The following LIN7A variants were observed in gnomAD, a reference collection of about 807,000 sequenced individuals.
LIN7A encodes protein lin-7 homolog A.
LIN7A carries 25 observed loss-of-function variants against 29.8 expected under a neutral mutation model. The ratio of observed to expected loss-of-function variants is 0.84; its 90% CI spans 0.61 to 1.17. The LOEUF is 1.17. Ranked by LOEUF, LIN7A falls within the 50% of genes most tolerant of loss-of-function variation. The pLI is 0.00. For synonymous variants in LIN7A, 118 were observed against 107.5 expected, an observed-to-expected ratio of 1.10 and a Z score of -0.60; for missense variants, 239 against 287.0, an observed-to-expected ratio of 0.83 and a Z score of 1.21.
chr12:80,927,079 A>G (rs970063889), intron 1 of LIN7A, among the ~76,000 whole-genome samples: 1 of 151,350 alleles, frequency 6.6e-6, no homozygotes, highest in Non-Finnish European at 1.5e-5. Flanking sequence ...TTATCAATAT[A>G]TACTAAAATG....
intron 5 of LIN7A, among the ~76,000 whole-genome samples, chr12:80,805,687 A>G (rs1233331923): frequency 6.6e-6 from 1 of 152,096 alleles, no homozygotes; most frequent in Non-Finnish European, 1.5e-5. Flanking sequence ...CTGAATAAAT[A>G]TAACACTCTG....
intron 2 of LIN7A, among the ~76,000 whole-genome samples, chr12:80,855,695 C>A (rs1304090644): frequency 1.3e-5 from 2 of 152,034 alleles, no homozygotes; most frequent in Non-Finnish European, 2.9e-5. Flanking sequence ...AGTTTAATTG[C>A]ATTCAGTGGA....
intron 2 of LIN7A, among the ~76,000 whole-genome samples, chr12:80,887,227 C>T (rs576202466): frequency 7.9e-5 from 12 of 152,270 alleles, no homozygotes; most frequent in African/African-American, 2.9e-4. Context: ...TCCCATTTCA[C>T]AGTGCTGCCA....
chr12:80,856,254 C>T, intron 2 of LIN7A, among the ~76,000 whole-genome samples: 1 of 152,156 alleles, frequency 6.6e-6, no homozygotes, highest in East Asian at 1.9e-4. Context: ...CTGCAGCCAT[C>T]AACTTCGATG....
At chr12:80,874,630 T>C (rs1170788194) in intron 2 of LIN7A, among the ~76,000 whole-genome samples, 1 of 152,170 alleles carries the variant, frequency 6.6e-6, no homozygotes, top group Non-Finnish European at 1.5e-5. Flanking sequence ...TGAATAGGTA[T>C]TGTGGAGATG....
intron 1 of LIN7A, among the ~76,000 whole-genome samples, chr12:80,905,400 A>G (rs1479327841): frequency 6.6e-6 from 1 of 152,108 alleles, no homozygotes; most frequent in Non-Finnish European, 1.5e-5. Flanking sequence ...TACCAGTGTT[A>G]TTTCTCATTT....
At chr12:80,846,894 C>T in intron 3 of LIN7A, among the ~76,000 whole-genome samples, 1 of 152,140 alleles carries the variant, frequency 6.6e-6, no homozygotes, top group Non-Finnish European at 1.5e-5. Flanking sequence ...TTTATTAATT[C>T]ACCTTGATCA....
intron 4 of LIN7A, among the ~76,000 whole-genome samples, chr12:80,822,822 G>A (rs1308826768): frequency 1.3e-5 from 2 of 152,090 alleles, no homozygotes; most frequent in African/African-American, 4.8e-5. Flanking sequence ...GTGGCAGGAG[G>A]CAGGCAGACT....
chr12:80,793,532 T>C lies in LIN7A; in HGVS notation c.*4195A>G, dbSNP rs1311592162. On this transcript the variant is annotated 3_prime_UTR_variant, in exon 6 of 6. Coordinates refer to ENST00000552864, the MANE Select transcript of LIN7A (RefSeq NM_004664.4). The stretch of plus-strand genomic sequence containing the variant: ...ATTGCTAGAGTAAATGTTGGAGAGT[T>C]TCTCACAGTAACCTCCAAGAGGGAT... 1 of 152,164 alleles carries C rather than the reference T, an allele frequency of 6.6e-6. No homozygotes were observed. The highest frequency in any genetic ancestry group is 1.5e-5 in the Non-Finnish European group (1 of 68,012). The allele number at this position is 152,164 out of a possible 1,614,324, so 9.4% of individuals were successfully genotyped here. A position where few individuals can be genotyped will look rare whatever the true frequency, so the allele number is the denominator to read the frequency against.
chr12:80,859,296 T>C (rs1873751696), intron 2 of LIN7A, among the ~76,000 whole-genome samples: 1 of 152,098 alleles, frequency 6.6e-6, no homozygotes, highest in African/African-American at 2.4e-5. Flanking sequence ...TTACAAAAGA[T>C]AGGAAGAGGT....
chr12:80,857,459 T>A (rs915756017), intron 2 of LIN7A, among the ~76,000 whole-genome samples: 1 of 152,080 alleles, frequency 6.6e-6, no homozygotes, highest in Non-Finnish European at 1.5e-5. Flanking sequence ...GGCGCCTGGA[T>A]AGAATACCAT....
At chr12:80,816,419 A>G (rs550454975) in intron 4 of LIN7A, among the ~76,000 whole-genome samples, 1 of 151,756 alleles carries the variant, frequency 6.6e-6, no homozygotes, top group East Asian at 1.9e-4. Flanking sequence ...TCAAAAAAAA[A>G]AAGTGTATAT....
At chr12:80,838,465 A>T (rs939692701) in intron 4 of LIN7A, among the ~76,000 whole-genome samples, 3 of 152,226 alleles carry the variant, frequency 2.0e-5, no homozygotes, top group African/African-American at 7.2e-5. Flanking sequence ...TCAGTGTTGC[A>T]AAATATACCA....
chr12:80,857,569 G>A (rs1229967033), intron 2 of LIN7A, among the ~76,000 whole-genome samples: 2 of 152,144 alleles, frequency 1.3e-5, no homozygotes, highest in African/African-American at 2.4e-5. Context: ...TGTGATACAT[G>A]CCATTTATGA....
chr12:80,867,668 G>C (rs1764724307), intron 2 of LIN7A, among the ~76,000 whole-genome samples: 1 of 152,118 alleles, frequency 6.6e-6, no homozygotes, highest in Admixed American at 6.5e-5. Flanking sequence ...ATAATAATGA[G>C]ACATCATGAA....
At chr12:80,896,435 A>T (rs1026270376) in intron 1 of LIN7A, among the ~76,000 whole-genome samples, 4 of 152,236 alleles carry the variant, frequency 2.6e-5, no homozygotes, top group Non-Finnish European at 4.4e-5. Context: ...GTGCATGTGT[A>T]CCAACAACAT....
chr12:80,935,772 G>A, intron 1 of LIN7A: 1 of 511,134 alleles, frequency 2.0e-6, no homozygotes, highest in South Asian at 1.4e-5. Flanking sequence ...CTTGTCTCCT[G>A]AGCTACTGCA....
At chr12:80,878,278 T>C (rs2120557771) in intron 2 of LIN7A, among the ~76,000 whole-genome samples, 1 of 152,308 alleles carries the variant, frequency 6.6e-6, no homozygotes, top group East Asian at 1.9e-4. Context: ...CTACACATCA[T>C]TAAAAATGTG....
At chr12:80,869,887 T>C (rs1401497237) in intron 2 of LIN7A, among the ~76,000 whole-genome samples, 1 of 152,078 alleles carries the variant, frequency 6.6e-6, no homozygotes, top group African/African-American at 2.4e-5. Flanking sequence ...AAACCTATCA[T>C]ACAAAATATA....
Sources: gnomAD v4.1 joint callset for allele counts (sites outside exome capture counted in the v4.1 genomes callset) on GRCh38, gnomAD v4.1.1 for gene constraint, MANE v1.5 for transcripts, NCBI Gene and HGNC (gene_info 2026-07-23, HGNC 2026-07-21) for gene names.